The following MYH14 variants were observed in gnomAD, a reference collection of about 807,000 sequenced individuals.
The protein encoded by MYH14 is myosin-14.
Under a neutral mutation model 255.5 loss-of-function variants are expected in MYH14, and 123 were observed. The observed-to-expected ratio is 0.48, with a 90% CI of 0.42 to 0.56. The LOEUF (loss-of-function observed/expected upper bound fraction) is 0.56. Ranked by LOEUF, MYH14 falls within the 20% of genes least tolerant of loss-of-function variation. MYH14 has a pLI of 0.00. For missense variants in MYH14, 2,423 were observed against 2,802.3 expected (o/e 0.86, Z 3.06); for synonymous variants, 1,095 against 1,161.2 (o/e 0.94, Z 1.16).
At chr19:50,295,153 G>A (rs10401681) in intron 39 of MYH14, among the ~76,000 whole-genome samples, 9,481 of 151,464 alleles carry the variant, frequency 0.063, 330 homozygotes, top group Middle Eastern at 0.086. Flanking sequence ...GTGAAACCCC[G>A]TCTCTACTAA....
intron 30 of MYH14, 70 bp from the exon 31 acceptor site, chr19:50,279,967 A>T: frequency 1.9e-6 from 2 of 1,068,416 alleles, no homozygotes; most frequent in Non-Finnish European, 1.4e-6. Flanking sequence ...TGTGGTAGAG[A>T]GTTGAGGCAG....
At chr19:50,295,047 C>G (rs1038683643) in intron 39 of MYH14, among the ~76,000 whole-genome samples, 1 of 149,398 alleles carries the variant, frequency 6.7e-6, no homozygotes, top group Admixed American at 6.6e-5. Context: ...CAGGTGTGGC[C>G]GGGCGCGGTG....
At chr19:50,237,722 T>C (rs598082) in intron 10 of MYH14, among the ~76,000 whole-genome samples, 19,524 of 152,288 alleles carry the variant, frequency 0.13, 1,374 homozygotes, top group South Asian at 0.19. Flanking sequence ...GGAGCACCTG[T>C]GTCCCCACCT....
intron 12 of MYH14, among the ~76,000 whole-genome samples, chr19:50,248,631 A>C (rs1403873442): frequency 6.6e-6 from 1 of 152,156 alleles, no homozygotes; most frequent in East Asian, 1.9e-4. Flanking sequence ...AGAGAGGTTT[A>C]TTCACATGCC....
At chr19:50,287,874 TG>T (rs1171766544) in intron 34 of MYH14, among the ~76,000 whole-genome samples, 1 of 152,064 alleles carries the variant, frequency 6.6e-6, no homozygotes, top group Non-Finnish European at 1.5e-5. Context: ...ACTAGGTGCA[TG>T]CATACATACA....
chr19:50,210,987 G>A (rs1600856724), intron 2 of MYH14, among the ~76,000 whole-genome samples: 1 of 152,186 alleles, frequency 6.6e-6, no homozygotes, highest in African/African-American at 2.4e-5. Flanking sequence ...GATACATATG[G>A]TAGATAAACT....
intron 2 of MYH14, among the ~76,000 whole-genome samples, chr19:50,213,060 C>T (rs1448475377): frequency 6.6e-6 from 1 of 152,212 alleles, no homozygotes; most frequent in East Asian, 1.9e-4. Context: ...TCAAGCAACT[C>T]TCTTGCCTCA....
At chr19:50,270,991 A>C (rs1048115938) in intron 24 of MYH14, among the ~76,000 whole-genome samples, 1 of 152,016 alleles carries the variant, frequency 6.6e-6, no homozygotes, top group Admixed American at 6.5e-5. Context: ...ACTGCGCCTG[A>C]CCTATTTACT....
chr19:50,244,090 T>A (rs968356641), intron 10 of MYH14, among the ~76,000 whole-genome samples, 152 bp from the exon 11 acceptor site: 1 of 151,888 alleles, frequency 6.6e-6, no homozygotes, highest in Non-Finnish European at 1.5e-5. Flanking sequence ...ATTACAGGTG[T>A]GAGCTATCAC....
intron 1 of MYH14, among the ~76,000 whole-genome samples, chr19:50,209,139 C>T (rs369267749): frequency 3.3e-5 from 5 of 152,160 alleles, no homozygotes; most frequent in East Asian, 1.9e-4. Context: ...GCCTGAGCAA[C>T]GGAGTGAAAC....
At chr19:50,303,147 G>A (rs911262075) in intron 40 of MYH14, among the ~76,000 whole-genome samples, 55 of 152,270 alleles carry the variant, frequency 3.6e-4, no homozygotes, top group African/African-American at 1.1e-3. Flanking sequence ...TCTTTGGCTA[G>A]TAAGTTCTGC....
At position 50,279,449 on chromosome 19, in the gene MYH14, C is replaced by G. The variant is rs533563260; in HGVS notation, c.4033-588C>G. On this transcript the variant is annotated intron_variant, in intron 30 of 42. Coordinates refer to ENST00000642316, the MANE Select transcript of MYH14 (RefSeq NM_001145809.2). ...AGTTCAAGACCAGCTGCCTGACCAA[C>G]ATGGTGAAACTTCGTCTCTACTAAA... Among the ~76,000 whole-genome samples, 1,176 of 152,316 alleles carry G rather than the reference C, an allele frequency of 7.7e-3. 11 individuals are homozygous for G. The highest frequency in any genetic ancestry group is 8.3e-3 in the Non-Finnish European group (567 of 68,026).
chr19:50,225,632 C>T lies in MYH14; in HGVS notation c.765C>T (p.Ala255=). The change falls in exon 7 of 43, where the codon GCC becomes GCT. Residue 255 remains alanine, a synonymous_variant. Transcript: ENST00000642316. ...QLLQANPILE[A]FGNAKTVKND... ...TTCAGGCCAACCCCATCCTAGAGGCCTTTGGCAATGCCAAGACAGTGAAGA... is the reference window on the plus strand; with the variant it reads ...TTCAGGCCAACCCCATCCTAGAGGCTTTTGGCAATGCCAAGACAGTGAAGA... 2.5e-6 allele frequency: 4 copies of T among 1,613,930 alleles called. No individual in the cohort carries two copies. The highest frequency in any genetic ancestry group is 2.5e-6 in the Non-Finnish European group (3 of 1,179,958).
rs963143188 is a variant in MYH14, at chr19:50,221,800, C to T, written c.563-1283C>T. Among the ~76,000 whole-genome samples the T allele has an allele frequency of 1.3e-5, 2 of 152,034 alleles. No individual in the cohort carries two copies. Among genetic ancestry groups the T allele is most frequent in the Non-Finnish European group, 2.9e-5 (2 of 67,998 alleles). On this transcript the variant is annotated intron_variant, in intron 3 of 42. Transcript: ENST00000642316. The surrounding 1 kb of genome is among the most constrained non-coding windows in gnomAD (Gnocchi z 5.3). ...CCTAATCGCTGCTTTAAAACCCATC[C>T]CACCACTCGCCATCTCTGCCCTATC... is the stretch of plus-strand genomic sequence containing the variant.
At chr19:50,291,308 G>GTTT (rs796418702) in intron 36 of MYH14, among the ~76,000 whole-genome samples, 1 of 143,356 alleles carries the variant, frequency 7.0e-6, no homozygotes, top group Non-Finnish European at 1.5e-5. Flanking sequence ...TGTTCAGTTG[G>GTTT]TTTTTTTTTT....
At chr19:50,219,186 T>C (rs1409084322) in intron 3 of MYH14, among the ~76,000 whole-genome samples, 1 of 149,888 alleles carries the variant, frequency 6.7e-6, no homozygotes, top group African/African-American at 2.4e-5. Context: ...ACTCGTTGGT[T>C]GATGGGCATT....
intron 39 of MYH14, among the ~76,000 whole-genome samples, chr19:50,295,317 T>A (rs1387692230): frequency 2.0e-5 from 3 of 148,678 alleles, no homozygotes; most frequent in Non-Finnish European, 1.5e-5. Context: ...AGAGCAAGAC[T>A]CCATCTCAAA....
rs2034441391 is a variant in MYH14 at position 50,252,545 on chromosome 19, C to T, written c.1831-94C>T. 2 of 847,618 alleles carry T rather than the reference C, an allele frequency of 2.4e-6. No individual in the cohort carries two copies. The highest frequency in any genetic ancestry group is 1.7e-5 in the African/African-American group (1 of 59,664). The allele number at this position is 847,618 out of a possible 1,614,324, so 52.5% of individuals were successfully genotyped here. On this transcript the variant is annotated intron_variant, in intron 15 of 42. Coordinates refer to ENST00000642316, the MANE Select transcript of MYH14 (RefSeq NM_001145809.2). The surrounding 1 kb of genome is among the most constrained non-coding windows in gnomAD (Gnocchi z 4.2). ...CGCTTGTCCATGGTGAGCTCCAGAC[C>T]TGGGAGTCTCAGAGCTTCTGGAAGG...
chr19:50,289,691 G>T (rs573245311), intron 35 of MYH14, 43 bp downstream of exon 35: 1 of 1,544,122 alleles, frequency 6.5e-7, no homozygotes, highest in Non-Finnish European at 8.8e-7. Context: ...TCCAGCTGGG[G>T]TATGCCATGG....
Sources: gnomAD v4.1 joint callset for allele counts (sites outside exome capture counted in the v4.1 genomes callset) on GRCh38, gnomAD v4.1.1 for gene constraint, Gnocchi (gnomAD v3.1) non-coding constraint, MANE v1.5 for transcripts, NCBI Gene and HGNC (gene_info 2026-07-23, HGNC 2026-07-21) for gene names.